Variants in JARID2 observed in about 807,000 individuals in gnomAD.
JARID2 encodes the protein protein Jumonji.
In JARID2, 21 loss-of-function variants were observed where a neutral mutation model predicts 125.6. That is an observed-to-expected ratio of 0.17 (90% CI 0.12 to 0.24). The LOEUF is 0.24. Ranked by LOEUF, JARID2 falls within the 10% of genes least tolerant of loss-of-function variation. JARID2 has a pLI of 1.00. For missense variants in JARID2, 1,303 were observed against 1,639.6 expected, an observed-to-expected ratio of 0.79 and a Z score of 3.55; for synonymous variants, 736 against 661.6, an observed-to-expected ratio of 1.11 and a Z score of -1.73.
intron 1 of JARID2, among the ~76,000 whole-genome samples, chr6:15,345,153 G>T (rs1763202895): frequency 1.3e-5 from 2 of 152,146 alleles, no homozygotes; most frequent in African/African-American, 2.4e-5. Context: ...CTAAGCTTTT[G>T]AGACTGATTG....
chr6:15,463,295 T>C (rs778201238), intron 4 of JARID2, among the ~76,000 whole-genome samples: 3 of 152,194 alleles, frequency 2.0e-5, no homozygotes, highest in Admixed American at 6.6e-5. Context: ...AAAGGAGTGA[T>C]ATGATGTGGT....
chr6:15,515,815 G>T (rs919297438), intron 16 of JARID2, among the ~76,000 whole-genome samples: 2 of 151,588 alleles, frequency 1.3e-5, no homozygotes, highest in Admixed American at 6.6e-5. Flanking sequence ...CAGCACTTTG[G>T]GAGGCTGAGG....
At chr6:15,308,576 C>G (rs1761912816) in intron 1 of JARID2, among the ~76,000 whole-genome samples, 2 of 152,172 alleles carry the variant, frequency 1.3e-5, no homozygotes, top group Admixed American at 6.5e-5. Context: ...GACGGTTGAT[C>G]TACTGAATAC....
intron 4 of JARID2, among the ~76,000 whole-genome samples, chr6:15,456,861 A>T (rs1211884824): frequency 6.7e-6 from 1 of 148,610 alleles, no homozygotes; most frequent in African/African-American, 2.5e-5. Flanking sequence ...TTAATTTAAG[A>T]AAAACAGGAT....
intron 1 of JARID2, among the ~76,000 whole-genome samples, chr6:15,252,465 C>T (rs76355312): frequency 0.048 from 7,287 of 152,222 alleles, 245 homozygotes; most frequent in Non-Finnish European, 0.072. Flanking sequence ...TGCCATGTAA[C>T]ATGTAAAGTG....
At chr6:15,450,418 C>CA (rs1561870551) in intron 3 of JARID2, among the ~76,000 whole-genome samples, 1 of 152,198 alleles carries the variant, frequency 6.6e-6, no homozygotes, top group Non-Finnish European at 1.5e-5. Flanking sequence ...GATCCACCCA[C>CA]ATCGGCCTCC....
chr6:15,414,266 T>C (rs1045435321), intron 3 of JARID2, among the ~76,000 whole-genome samples: 1 of 152,186 alleles, frequency 6.6e-6, no homozygotes, highest in Non-Finnish European at 1.5e-5. Context: ...TTGAAGCAAT[T>C]ACATTTTTCT....
At chr6:15,500,151 C>T (rs968532709) in intron 7 of JARID2, among the ~76,000 whole-genome samples, 2 of 152,114 alleles carry the variant, frequency 1.3e-5, no homozygotes, top group African/African-American at 4.8e-5. Flanking sequence ...CCACTGGGCG[C>T]GCGTTAAAAC....
At chr6:15,517,944 G>A (rs1227085401) in intron 17 of JARID2, among the ~76,000 whole-genome samples, 2 of 152,258 alleles carry the variant, frequency 1.3e-5, no homozygotes, top group Non-Finnish European at 2.9e-5. Context: ...TGAGTGGGGT[G>A]GGTGCTGCGG....
chr6:15,475,969 C>T (rs889515419), intron 5 of JARID2, among the ~76,000 whole-genome samples: 5 of 152,112 alleles, frequency 3.3e-5, no homozygotes, highest in Non-Finnish European at 5.9e-5. Flanking sequence ...CTTTCACAAG[C>T]GAAAGGGGAG....
intron 2 of JARID2, among the ~76,000 whole-genome samples, chr6:15,404,570 CACAG>C (rs1765575065): frequency 8.7e-6 from 1 of 114,734 alleles, no homozygotes; most frequent in Non-Finnish European, 1.8e-5. Context: ...CACACACACA[CACAG>C]AAATTGCTGC....
chr6:15,308,411 C>G (rs1410394872), intron 1 of JARID2, among the ~76,000 whole-genome samples: 1 of 152,148 alleles, frequency 6.6e-6, no homozygotes, highest in Non-Finnish European at 1.5e-5. Context: ...TTTGTCATTT[C>G]CCTCAACTCA....
intron 1 of JARID2, among the ~76,000 whole-genome samples, chr6:15,344,781 AT>A (rs1308534008): frequency 6.6e-6 from 1 of 152,106 alleles, no homozygotes. Flanking sequence ...AATTATTGTA[AT>A]TCTATGAACA....
Position 15,449,674 on chromosome 6 carries a change from G to A in JARID2, c.324-2332G>A, listed in dbSNP as rs1767828620. Among the ~76,000 whole-genome samples the A allele has an allele frequency of 2.6e-5, 4 of 151,692 alleles. No homozygotes were observed. In the South Asian group the frequency reaches 8.3e-4, roughly 32 times the overall value. On this transcript the variant is annotated intron_variant, in intron 3 of 17. Transcript: ENST00000341776. ...AGTGAGACCCAGTTTCAGTAAAAAG[G>A]TTAAAAATAAAAAAAAAAAGTGCTC...
chr6:15,274,383 G>T (rs1006630510), intron 1 of JARID2, among the ~76,000 whole-genome samples: 17 of 152,278 alleles, frequency 1.1e-4, no homozygotes, highest in Admixed American at 3.3e-4. Flanking sequence ...ATCTGCTAGA[G>T]AAATGGGATT....
intron 3 of JARID2, among the ~76,000 whole-genome samples, chr6:15,427,031 T>G (rs1766758919): frequency 6.6e-6 from 1 of 152,226 alleles, no homozygotes. Flanking sequence ...CAATTTATTT[T>G]TAACCTTGCC....
chr6:15,369,167 G>A (rs183620276), intron 1 of JARID2: 3 of 268,712 alleles, frequency 1.1e-5, no homozygotes, highest in African/African-American at 4.4e-5. Flanking sequence ...TTGGAACAGT[G>A]AGTGGTTCTG....
rs73363167 is a variant in JARID2, at chr6:15,392,981, G to T, written c.182-17243G>T. Among the ~76,000 whole-genome samples, 757 of 152,202 alleles carry T rather than the reference G, an allele frequency of 5.0e-3. 10 individuals are homozygous for T. Among genetic ancestry groups the T allele is most frequent in the African/African-American group, 0.017 (714 of 41,522 alleles). On this transcript the variant is annotated intron_variant, in intron 2 of 17. Transcript: ENST00000341776. The stretch of plus-strand genomic sequence containing the variant: ...ATTGTAGGCGTGAGCCACCATGCCT[G>T]GCCAAGAGACTGAATTTTGTGTTTG...
chr6:15,357,606 T>A lies in JARID2; in HGVS notation c.46-16511T>A, dbSNP rs1446918486. ...AAATGTTATTTATTGATTTTTTTTT[T>A]AATTCGCCAAGTTGAAAGACCCTTG... On this transcript the variant is annotated intron_variant, in intron 1 of 17. Coordinates refer to ENST00000341776, the MANE Select transcript of JARID2 (RefSeq NM_004973.4). Among the ~76,000 whole-genome samples the A allele has an allele frequency of 2.6e-5, 4 of 152,212 alleles. No individual in the cohort carries two copies. The East Asian group carries it at 5.8e-4, about 22-fold the overall frequency.
Sources: allele counts gnomAD v4.1 joint callset (sites outside exome capture counted in the v4.1 genomes callset), GRCh38; gene constraint gnomAD v4.1.1; transcripts MANE v1.5; gene names NCBI Gene and HGNC (gene_info 2026-07-23, HGNC 2026-07-21).